Variants in L3MBTL1 observed in about 807,000 individuals in gnomAD.
L3MBTL1 encodes the protein lethal(3)malignant brain tumor-like protein 1.
A neutral mutation model predicts 105.3 loss-of-function variants in L3MBTL1; 75 were observed. The ratio of observed to expected loss-of-function variants is 0.71; its 90% CI spans 0.59 to 0.86. The LOEUF (loss-of-function observed/expected upper bound fraction) is 0.86. L3MBTL1 is among the 40% of genes least tolerant of loss of function. L3MBTL1 has a pLI of 0.00. For synonymous variants in L3MBTL1, 452 were observed against 436.2 expected (o/e 1.04, Z -0.45); for missense variants, 1,069 against 1,126.4 (o/e 0.95, Z 0.73).
intron 7 of L3MBTL1, among the ~76,000 whole-genome samples, chr20:43,521,787 A>G (rs1471256459): frequency 6.6e-6 from 1 of 152,208 alleles, no homozygotes; most frequent in Non-Finnish European, 1.5e-5. Flanking sequence ...TCCTGAGTGC[A>G]AGCGATCCTC....
intron 18 of L3MBTL1, among the ~76,000 whole-genome samples, chr20:43,547,664 T>C (rs1308439202): frequency 6.6e-6 from 1 of 152,148 alleles, no homozygotes; most frequent in Non-Finnish European, 1.5e-5. Flanking sequence ...TTGTACTGCC[T>C]CATGTTGGAA....
chr20:43,545,327 C>T (rs139873454), downstream of L3MBTL1, among the ~76,000 whole-genome samples: 1,349 of 151,186 alleles, frequency 8.9e-3, 16 homozygotes, highest in African/African-American at 0.031. Flanking sequence ...ATCATGCCAC[C>T]GTACTCCAGC....
chr20:43,515,574 T>C (rs1300370990), intron 6 of L3MBTL1, 159 bp downstream of exon 6: 2 of 837,666 alleles, frequency 2.4e-6, no homozygotes, highest in African/African-American at 3.4e-5. Context: ...TTAGGTCCTA[T>C]ACCTGGTTAA....
At chr20:43,516,260 T>C (rs1393219532) in intron 7 of L3MBTL1, 83 bp downstream of exon 7, 5 of 979,546 alleles carry the variant, frequency 5.1e-6, no homozygotes, top group Non-Finnish European at 8.0e-6. Context: ...TGGGTTATGA[T>C]TGTGATGGTA....
intron 11 of L3MBTL1, 126 bp downstream of exon 11, chr20:43,531,015 T>C: frequency 1.3e-6 from 1 of 747,316 alleles, no homozygotes; most frequent in Non-Finnish European, 2.2e-6. Context: ...TTCTGATCTC[T>C]CATATCAGAT....
intron 7 of L3MBTL1, among the ~76,000 whole-genome samples, chr20:43,516,703 G>A (rs1048891014): frequency 3.3e-4 from 50 of 152,108 alleles, no homozygotes; most frequent in Non-Finnish European, 6.8e-4. Flanking sequence ...TAGATACTGT[G>A]TAGCAGTTTG....
chr20:43,533,656 G>T (rs2019457587), intron 13 of L3MBTL1, among the ~76,000 whole-genome samples: 1 of 152,116 alleles, frequency 6.6e-6, no homozygotes, highest in African/African-American at 2.4e-5. Context: ...GACCATCTCA[G>T]CAAGGAAACA....
At position 43,530,399 on chromosome 20, in the gene L3MBTL1, A is replaced by G. The variant is rs1568924617; in HGVS notation, c.1172A>G (p.His391Arg). ...HPAGWFEKTG[H>R]KLQPPKGYKE... The stretch of plus-strand genomic sequence containing the variant: ...GCTGGCTGGTTCGAGAAGACGGGCC[A>G]CAAGCTGCAGCCTCCCAAAGGTAAG... The change falls in exon 10 of 22, where the codon CAC becomes CGC. Residue 391 changes from histidine (H) to arginine (R), a missense_variant. His to Arg is a conservative substitution (Grantham distance 29). Coordinates refer to ENST00000418998, the MANE Select transcript of L3MBTL1 (RefSeq NM_001377303.1). 1 of 1,614,160 alleles carries G rather than the reference A, an allele frequency of 6.2e-7. No individual in the cohort carries two copies. Among genetic ancestry groups the G allele is most frequent in the South Asian group, 1.1e-5 (1 of 91,082 alleles).
chr20:43,534,975 T>A (rs781595167), intron 16 of L3MBTL1, 33 bp downstream of exon 16: 4 of 1,463,858 alleles, frequency 2.7e-6, no homozygotes, highest in Non-Finnish European at 3.7e-6. Flanking sequence ...GATCTTTTCC[T>A]TTCCCCCCAG....
chr20:43,516,035 T>C (rs2018370658), intron 6 of L3MBTL1, 58 bp from the exon 7 acceptor site: 1 of 1,355,774 alleles, frequency 7.4e-7, no homozygotes. Context: ...GATCAGACCC[T>C]AGGGCTTCAT....
chr20:43,535,587 A>G (rs187896568), intron 16 of L3MBTL1, among the ~76,000 whole-genome samples: 4 of 152,308 alleles, frequency 2.6e-5, no homozygotes, highest in African/African-American at 7.2e-5. Flanking sequence ...TCTCCCCCAG[A>G]GTTCTCTCAG....
chr20:43,533,085 C>T (rs530868427), intron 12 of L3MBTL1, among the ~76,000 whole-genome samples, 161 bp downstream of exon 12: 4 of 152,316 alleles, frequency 2.6e-5, no homozygotes, highest in East Asian at 3.9e-4. Flanking sequence ...ATAAGAAATA[C>T]AGCTCAATAT....
intron 7 of L3MBTL1, among the ~76,000 whole-genome samples, chr20:43,521,862 T>C (rs1462029326): frequency 2.0e-5 from 3 of 152,188 alleles, no homozygotes; most frequent in African/African-American, 7.2e-5. Flanking sequence ...TCCCCTTTTT[T>C]ATTTATAGTA....
chr20:43,542,321 C>T (rs1490320766), downstream of L3MBTL1, among the ~76,000 whole-genome samples: 1 of 152,214 alleles, frequency 6.6e-6, no homozygotes, highest in Admixed American at 6.5e-5. Context: ...AGCTCCCAAA[C>T]TCCTCCCACT....
intron 18 of L3MBTL1, among the ~76,000 whole-genome samples, chr20:43,546,907 A>G (rs1978635076): frequency 1.3e-5 from 2 of 152,050 alleles, no homozygotes; most frequent in Non-Finnish European, 2.9e-5. Flanking sequence ...TTATCCCACT[A>G]CCAAATTGCA....
chr20:43,508,576 C>T (rs186301713), intron 1 of L3MBTL1, among the ~76,000 whole-genome samples: 12 of 152,374 alleles, frequency 7.9e-5, no homozygotes, highest in Non-Finnish European at 1.5e-4. Flanking sequence ...AAAACCTTGT[C>T]AGACATCAAG....
chr20:43,524,709 C>T (rs190762432), intron 7 of L3MBTL1, among the ~76,000 whole-genome samples: 2 of 150,786 alleles, frequency 1.3e-5, no homozygotes, highest in Non-Finnish European at 2.9e-5. Context: ...ACTATGGCTA[C>T]GTCTTGAAGG....
rs764228403 is a variant in L3MBTL1, at chr20:43,528,748, G to A, written c.951+3G>A. Reference sequence around the variant, plus strand: ...CTCCAGTCAGCCTCTTCCAGGACGTGAGTTGGACAATTTCCCCGTAGGAAC... The same window carrying A: ...CTCCAGTCAGCCTCTTCCAGGACGTAAGTTGGACAATTTCCCCGTAGGAAC... On this transcript the variant is annotated splice_donor_region_variant and intron_variant, in intron 8 of 21. Transcript: ENST00000418998. 7 of 1,610,908 alleles carry A rather than the reference G, an allele frequency of 4.3e-6. No individual in the cohort carries two copies. The Admixed American group carries it at 5.0e-5, about 12-fold the overall frequency.
chr20:43,527,036 C>G (rs1217624853), intron 7 of L3MBTL1, among the ~76,000 whole-genome samples: 1 of 152,176 alleles, frequency 6.6e-6, no homozygotes. Context: ...TCCTGAGAGA[C>G]AGACCACTCC....
Sources: allele counts gnomAD v4.1 joint callset (sites outside exome capture counted in the v4.1 genomes callset), GRCh38; gene constraint gnomAD v4.1.1; transcripts MANE v1.5; gene names NCBI Gene and HGNC (gene_info 2026-07-23, HGNC 2026-07-21).